Variants in SYT2 observed in about 807,000 individuals in gnomAD.
The protein encoded by SYT2 is synaptotagmin 2, also known as synaptotagmin-2.
Under a neutral mutation model 39.9 loss-of-function variants are expected in SYT2, and 15 were observed. The ratio of observed to expected loss-of-function variants is 0.38; its 90% CI spans 0.25 to 0.58. The LOEUF is 0.58. SYT2 is among the 20% of genes least tolerant of loss of function. SYT2 has a pLI of 0.70. For missense variants in SYT2, 389 were observed against 530.3 expected (o/e 0.73, Z 2.62); for synonymous variants, 181 against 204.5 (o/e 0.89, Z 0.98).
intron 1 of SYT2, among the ~76,000 whole-genome samples, chr1:202,674,943 G>A (rs1170833550): frequency 2.8e-5 from 3 of 108,482 alleles, no homozygotes; most frequent in Non-Finnish European, 6.6e-5. Context: ...CTCCTTCAGA[G>A]CACTTACTAC....
chr1:202,640,071 G>A (rs1453389330), intron 1 of SYT2, among the ~76,000 whole-genome samples: 2 of 152,226 alleles, frequency 1.3e-5, no homozygotes, highest in Non-Finnish European at 2.9e-5. Context: ...ATATTAAGGA[G>A]CAAGCCAAGA....
intron 1 of SYT2, among the ~76,000 whole-genome samples, chr1:202,617,291 A>G (rs537744547): frequency 2.2e-4 from 34 of 152,256 alleles, no homozygotes; most frequent in Non-Finnish European, 2.4e-4. Context: ...GGGCCTGGTG[A>G]GAGGTGATTG....
At chr1:202,629,710 A>C (rs1375040087) in intron 1 of SYT2, among the ~76,000 whole-genome samples, 1 of 152,072 alleles carries the variant, frequency 6.6e-6, no homozygotes, top group South Asian at 2.1e-4. Context: ...CTCTACAAAA[A>C]ATTTTAAAAT....
chr1:202,672,262 C>T (rs1194878935), intron 1 of SYT2, among the ~76,000 whole-genome samples: 1 of 152,200 alleles, frequency 6.6e-6, no homozygotes, highest in Non-Finnish European at 1.5e-5. Flanking sequence ...TGTTGAAATT[C>T]GTTTAACCCC....
chr1:202,653,795 G>A (rs934241918), intron 1 of SYT2, among the ~76,000 whole-genome samples: 2 of 152,194 alleles, frequency 1.3e-5, no homozygotes, highest in Non-Finnish European at 2.9e-5. Flanking sequence ...AGTGATTTCT[G>A]CACCTCTTCT....
chr1:202,677,347 T>C (rs900819134), intron 1 of SYT2, among the ~76,000 whole-genome samples: 1 of 152,178 alleles, frequency 6.6e-6, no homozygotes, highest in African/African-American at 2.4e-5. Flanking sequence ...ACCAGTAAAT[T>C]ATGGCAGAAG....
intron 1 of SYT2, among the ~76,000 whole-genome samples, chr1:202,621,936 G>GCA (rs1691212558): frequency 6.6e-6 from 1 of 152,210 alleles, no homozygotes; most frequent in South Asian, 2.1e-4. Flanking sequence ...GTGTGTGTGT[G>GCA]CACACATGTA....
At chr1:202,627,592 G>C (rs780301553) in intron 1 of SYT2, 45 of 985,250 alleles carry the variant, frequency 4.6e-5, no homozygotes, top group Non-Finnish European at 4.8e-5. Context: ...AGGAGATCCA[G>C]TGCAGCTCAG....
intron 1 of SYT2, among the ~76,000 whole-genome samples, chr1:202,641,256 G>A (rs112106304): frequency 5.3e-4 from 80 of 152,316 alleles, no homozygotes; most frequent in African/African-American, 1.9e-3. Flanking sequence ...CGACTCTGGT[G>A]ACAGAAGTGG....
intron 1 of SYT2, among the ~76,000 whole-genome samples, chr1:202,698,112 A>ACCCC (rs56124443): frequency 9.4e-4 from 141 of 150,378 alleles, no homozygotes; most frequent in East Asian, 5.7e-3. Flanking sequence ...GGGTCTCACC[A>ACCCC]CCCCCCCAAG....
In SYT2 at chr1:202,691,725, GAGGGGGGGAGAGAGAGAGAGAGAGA is replaced by G. The variant is rs1558463379; in HGVS notation, c.-18+18508_-18+18532del. On this transcript the variant is annotated intron_variant, in intron 1 of 8. Transcript: ENST00000367268. ...AGAGGGAGAGGGAGAGGGAGAGGGAGAGGGGGGGAGAGAGAGAGAGAGAGAGAGAGAGAGAGAGAGAGAGAGAGAG... is the reference window on the plus strand; with the variant it reads ...AGAGGGAGAGGGAGAGGGAGAGGGAGGAGAGAGAGAGAGAGAGAGAGAGAG... Among the ~76,000 whole-genome samples, 125 of 16,358 alleles carry G rather than the reference GAGGGGGGGAGAGAGAGAGAGAGAGA, an allele frequency of 7.6e-3. 2 individuals carry two copies. Among genetic ancestry groups the G allele is most frequent in the African/African-American group, 0.022 (119 of 5,384 alleles). The allele number at this position is 16,358 out of a possible 152,430, so 10.7% of individuals were successfully genotyped here.
chr1:202,659,588 C>T (rs558766213), intron 1 of SYT2, among the ~76,000 whole-genome samples: 6 of 152,340 alleles, frequency 3.9e-5, no homozygotes, highest in African/African-American at 1.4e-4. Context: ...AGTAGAGCTG[C>T]CCCTGCAGTC....
chr1:202,639,448 G>A (rs1172013291), intron 1 of SYT2: 13 of 971,490 alleles, frequency 1.3e-5, no homozygotes, highest in South Asian at 4.8e-5. Flanking sequence ...CTAAGCCTCA[G>A]TTTCCCCATA....
intron 5 of SYT2, 91 bp from the exon 6 acceptor site, chr1:202,602,148 G>A: frequency 6.6e-7 from 1 of 1,504,490 alleles, no homozygotes. Context: ...CAGCCCACAG[G>A]GTCCAGGTTA....
intron 1 of SYT2, among the ~76,000 whole-genome samples, chr1:202,606,121 A>G (rs1690698875): frequency 6.6e-6 from 1 of 152,130 alleles, no homozygotes; most frequent in African/African-American, 2.4e-5. Flanking sequence ...AAAATAGTAC[A>G]TATATGTGCC....
At chr1:202,691,732 G>GAGGGAGA (rs1653835818) in intron 1 of SYT2, among the ~76,000 whole-genome samples, 1 of 8,320 alleles carries the variant, frequency 1.2e-4, no homozygotes, top group African/African-American at 4.4e-4. Flanking sequence ...GGAGAGGGGG[G>GAGGGAGA]GAGAGAGAGA....
At chr1:202,708,141 A>G (rs1020530489) in intron 1 of SYT2, among the ~76,000 whole-genome samples, 1 of 152,174 alleles carries the variant, frequency 6.6e-6, no homozygotes, top group African/African-American at 2.4e-5. Context: ...GTCAATGTTT[A>G]CGAACACCAA....
chr1:202,701,757 T>C (rs974818627), intron 1 of SYT2, among the ~76,000 whole-genome samples: 1 of 152,184 alleles, frequency 6.6e-6, no homozygotes, highest in African/African-American at 2.4e-5. Flanking sequence ...TGGACCCCCC[T>C]GAAAATTCTT....
chr1:202,669,809 G>C (rs1046778066), intron 1 of SYT2, among the ~76,000 whole-genome samples: 1 of 150,272 alleles, frequency 6.7e-6, no homozygotes, highest in Non-Finnish European at 1.5e-5. Flanking sequence ...TAGATTTCAA[G>C]ACCATAGTTG....
Sources: allele counts gnomAD v4.1 joint callset (sites outside exome capture counted in the v4.1 genomes callset), GRCh38; gene constraint gnomAD v4.1.1; transcripts MANE v1.5; gene names NCBI Gene and HGNC (gene_info 2026-07-23, HGNC 2026-07-21).